Variants in KCNK10 observed in about 807,000 individuals in gnomAD.
KCNK10 encodes the protein potassium two pore domain channel subfamily K member 10.
Under a neutral mutation model 47.7 loss-of-function variants are expected in KCNK10, and 25 were observed. That is an observed-to-expected ratio of 0.52 (90% CI 0.38 to 0.73). KCNK10 has a LOEUF of 0.73. Among genes scored for constraint, KCNK10 ranks in the 30% least tolerant of loss-of-function variants. The pLI, the probability that KCNK10 is intolerant of heterozygous loss-of-function variation, is 0.00. For missense variants in KCNK10, 563 were observed against 714.5 expected (o/e 0.79, Z 2.42); for synonymous variants, 303 against 285.6 (o/e 1.06, Z -0.61).
rs547637183 is a variant in KCNK10 at position 88,245,246 on chromosome 14, G to T, written c.403-4426C>A. Among the ~76,000 whole-genome samples, 13 of 152,238 alleles carry T rather than the reference G, an allele frequency of 8.5e-5. No individual in the cohort carries two copies. The South Asian group carries it at 2.7e-3, about 32-fold the overall frequency. On this transcript the variant is annotated intron_variant, in intron 2 of 6. Transcript: ENST00000319231. ...AAAAACAACAAAATAATAATGATTT[G>T]TTTCTTTTAAAAAGAGGTGGAGAGC...
intron 1 of KCNK10, among the ~76,000 whole-genome samples, chr14:88,290,856 T>C (rs1263929084): frequency 6.6e-6 from 1 of 152,128 alleles, no homozygotes. Context: ...GAAGACCTTT[T>C]CATTCACAAA....
rs563157497 is a variant in KCNK10, at chr14:88,269,276, G to C, written c.53-5725C>G. ...TATTCAGGCTTTCTCAAGCCCCACAGATATTACTGCACCATCCATTCATTC... is the reference window on the plus strand; with the variant it reads ...TATTCAGGCTTTCTCAAGCCCCACACATATTACTGCACCATCCATTCATTC... On this transcript the variant is annotated intron_variant, in intron 1 of 6. Transcript: ENST00000319231. Among the ~76,000 whole-genome samples, 7 of 152,326 alleles carry C rather than the reference G, an allele frequency of 4.6e-5. 1 individual carries two copies. The highest frequency in any genetic ancestry group is 1.7e-4 in the African/African-American group (7 of 41,574).
chr14:88,298,246 G>A (rs555392673), intron 1 of KCNK10, among the ~76,000 whole-genome samples: 5 of 152,146 alleles, frequency 3.3e-5, no homozygotes, highest in African/African-American at 4.8e-5. Flanking sequence ...TATCGTCCAC[G>A]TTCAGTGCAA....
intron 1 of KCNK10, among the ~76,000 whole-genome samples, chr14:88,302,646 G>C (rs1215523800): frequency 6.6e-6 from 1 of 152,186 alleles, no homozygotes; most frequent in African/African-American, 2.4e-5. Context: ...GGAGGCAGAG[G>C]TTGCAGTGAA....
At chr14:88,300,158 T>C (rs1226067414) in intron 1 of KCNK10, among the ~76,000 whole-genome samples, 1 of 152,202 alleles carries the variant, frequency 6.6e-6, no homozygotes, top group Non-Finnish European at 1.5e-5. Context: ...TTCTATCCCT[T>C]GAGCAAAACT....
chr14:88,306,832 C>T (rs1486792821), intron 1 of KCNK10, among the ~76,000 whole-genome samples: 1 of 152,190 alleles, frequency 6.6e-6, no homozygotes, highest in Non-Finnish European at 1.5e-5. Flanking sequence ...AAGTATATCT[C>T]TCCTATCACT....
At chr14:88,222,416 G>A (rs1885845342) in intron 4 of KCNK10, among the ~76,000 whole-genome samples, 1 of 152,136 alleles carries the variant, frequency 6.6e-6, no homozygotes, top group Non-Finnish European at 1.5e-5. Flanking sequence ...AACAAGCAGG[G>A]TACAGAGGAT....
In KCNK10 at chr14:88,185,617, G is replaced by T; in HGVS notation, c.1550C>A (p.Ala517Asp). 1 of 1,614,144 alleles carries T rather than the reference G, an allele frequency of 6.2e-7. No homozygotes were observed. The highest frequency in any genetic ancestry group is 8.5e-7 in the Non-Finnish European group (1 of 1,180,012). ...AMLTDCIQQH[A>D]ELENGMIPTD... ...GGGTATCATTCCGTTCTCCAACTCA[G>T]CGTGCTGCTGGATACAGTCCGTCAG... Residue 517 changes from alanine to aspartate, a missense_variant, in exon 7 of 7, where the codon GCT becomes GAT. By Grantham distance (126) the Ala-to-Asp change is moderately radical. Transcript: ENST00000319231. The surrounding 1 kb of genome is among the most constrained non-coding windows in gnomAD (Gnocchi z 4.3).
At chr14:88,240,038 T>C (rs1283759617) in intron 3 of KCNK10, among the ~76,000 whole-genome samples, 1 of 152,166 alleles carries the variant, frequency 6.6e-6, no homozygotes, top group Non-Finnish European at 1.5e-5. Context: ...TATGATCAGC[T>C]GCAGAAAGCA....
chr14:88,221,988 T>A lies in KCNK10; in HGVS notation c.681+5387A>T, dbSNP rs115367825. On this transcript the variant is annotated intron_variant, in intron 4 of 6. Coordinates refer to ENST00000319231, the MANE Select transcript of KCNK10 (RefSeq NM_138317.3). ...GTATGATTGCAACTACACAACTGTA[T>A]AAGTCCGTTTTCACGCTGCTGATAA... Among the ~76,000 whole-genome samples the A allele has an allele frequency of 7.4e-3, 1,133 of 152,288 alleles. 12 individuals are homozygous for A. The highest frequency in any genetic ancestry group is 0.026 in the African/African-American group (1,086 of 41,550).
At chr14:88,222,514 C>T (rs749110262) in intron 4 of KCNK10, among the ~76,000 whole-genome samples, 3 of 152,112 alleles carry the variant, frequency 2.0e-5, no homozygotes, top group Non-Finnish European at 4.4e-5. Context: ...CTCTACAACA[C>T]CAAGAGTGAA....
At position 88,199,917 on chromosome 14, in the gene KCNK10, G is replaced by A. The variant is rs1456835455; in HGVS notation, c.682-7507C>T. Among the ~76,000 whole-genome samples, 3 of 152,214 alleles carry A rather than the reference G, an allele frequency of 2.0e-5. No individual in the cohort carries two copies. In the East Asian group the frequency reaches 5.8e-4, roughly 29 times the overall value. ...ACACCTATACAAATACCTGGGTATT[G>A]CTGGATAAGCAGTAAACAACGCCCT... is the stretch of plus-strand genomic sequence containing the variant. On this transcript the variant is annotated intron_variant, in intron 4 of 6. Coordinates refer to ENST00000319231, the MANE Select transcript of KCNK10 (RefSeq NM_138317.3).
intron 4 of KCNK10, 31 bp downstream of exon 4, chr14:88,227,344 G>T: frequency 1.3e-6 from 2 of 1,562,306 alleles, no homozygotes; most frequent in African/African-American, 1.4e-5. Flanking sequence ...GGATCACAGT[G>T]GTTAGAATTT....
upstream of KCNK10, chr14:88,326,422 A>T (rs200920969): frequency 1.8e-5 from 29 of 1,613,382 alleles, no homozygotes; most frequent in Admixed American, 3.3e-5. Flanking sequence ...CACTTACCCA[A>T]GGAAAGAAAG....
chr14:88,206,287 C>T (rs190878419), intron 4 of KCNK10, among the ~76,000 whole-genome samples: 6 of 152,224 alleles, frequency 3.9e-5, no homozygotes, highest in Admixed American at 1.3e-4. Context: ...TGGAGGGGCA[C>T]GTTTGGCATG....
At position 88,185,621 on chromosome 14, in the gene KCNK10, G is replaced by A; in HGVS notation, c.1546C>T (p.His516Tyr). Residue 516 changes from histidine (H) to tyrosine (Y), a missense_variant, in exon 7 of 7, where the codon CAC becomes TAC. His to Tyr is a moderately conservative substitution (Grantham distance 83). Coordinates refer to ENST00000319231, the MANE Select transcript of KCNK10 (RefSeq NM_138317.3). This position sits in a 1 kb window ranked among gnomAD's most constrained non-coding sequence, Gnocchi z 4.3. ...ATCATTCCGTTCTCCAACTCAGCGT[G>A]CTGCTGGATACAGTCCGTCAGCATG... Reference protein sequence around the residue: ...TAMLTDCIQQHAELENGMIPT... With the variant: ...TAMLTDCIQQYAELENGMIPT... 1 of 1,614,172 alleles carries A rather than the reference G, an allele frequency of 6.2e-7. No individual in the cohort carries two copies. The highest frequency in any genetic ancestry group is 8.5e-7 in the Non-Finnish European group (1 of 1,180,026).
intron 2 of KCNK10, among the ~76,000 whole-genome samples, chr14:88,262,408 T>C (rs948221): frequency 0.73 from 111,410 of 152,018 alleles, 40,955 homozygotes; most frequent in Admixed American, 0.81. Context: ...CTCTGGCTTC[T>C]CAGACTTCAC....
intron 4 of KCNK10, among the ~76,000 whole-genome samples, chr14:88,205,542 C>CTTTTTTTTTTTTTTT (rs200265659): frequency 4.1e-4 from 48 of 115,762 alleles, no homozygotes; most frequent in Non-Finnish European, 6.3e-4. Flanking sequence ...CTTTTCTTTT[C>CTTTTTTTTTTTTTTT]TTTTTTTTTT....
upstream of KCNK10, among the ~76,000 whole-genome samples, chr14:88,325,160 T>C (rs1014484262): frequency 1.3e-5 from 2 of 151,840 alleles, no homozygotes; most frequent in African/African-American, 4.8e-5. Flanking sequence ...GAGACACCAG[T>C]GTGTATGTAA....
Sources: gnomAD v4.1 joint callset for allele counts (sites outside exome capture counted in the v4.1 genomes callset) on GRCh38, gnomAD v4.1.1 for gene constraint, Gnocchi (gnomAD v3.1) non-coding constraint, MANE v1.5 for transcripts, NCBI Gene and HGNC (gene_info 2026-07-23, HGNC 2026-07-21) for gene names.